The following AMPH variants were observed in gnomAD, a reference collection of about 807,000 sequenced individuals.
AMPH encodes amphiphysin, also known as amphiphysin (Stiff-Mann syndrome with breast cancer 128kD autoantigen).
A neutral mutation model predicts 99.1 loss-of-function variants in AMPH; 49 were observed. The observed-to-expected ratio is 0.49, with a 90% CI of 0.39 to 0.63. The LOEUF is 0.63. Ranked by LOEUF, AMPH falls within the 20% of genes least tolerant of loss-of-function variation. AMPH has a pLI of 0.00. For synonymous variants in AMPH, 314 were observed against 317.3 expected (o/e 0.99, Z 0.11); for missense variants, 759 against 863.4 (o/e 0.88, Z 1.52).
At chr7:38,570,843 A>G (rs1220324944) in intron 1 of AMPH, among the ~76,000 whole-genome samples, 2 of 138,996 alleles carry the variant, frequency 1.4e-5, no homozygotes, top group African/African-American at 2.7e-5. Flanking sequence ...CAAGGCGTGG[A>G]GGTGGAAGAC....
At chr7:38,466,375 T>C in intron 7 of AMPH, 127 bp from the exon 8 acceptor site, 1 of 728,082 alleles carries the variant, frequency 1.4e-6, no homozygotes, top group South Asian at 1.7e-5. Context: ...AACTTTGGAC[T>C]AAATAAAATA....
At chr7:38,495,124 T>C (rs1168770497) in intron 3 of AMPH, among the ~76,000 whole-genome samples, 1 of 152,204 alleles carries the variant, frequency 6.6e-6, no homozygotes, top group Non-Finnish European at 1.5e-5. Context: ...CCTTACTTAA[T>C]GTCATCTATA....
At chr7:38,518,196 T>C (rs1789824308) in intron 2 of AMPH, among the ~76,000 whole-genome samples, 3 of 152,220 alleles carry the variant, frequency 2.0e-5, no homozygotes. Context: ...TGGAAGAACT[T>C]TGAGGAAATG....
At chr7:38,428,760 C>T (rs1002598766) in intron 14 of AMPH, 1 of 457,142 alleles carries the variant, frequency 2.2e-6, no homozygotes, top group Non-Finnish European at 4.4e-6. Flanking sequence ...CTTTTGAATT[C>T]CATCATGTAG....
At chr7:38,448,903 A>G (rs375312840) in intron 11 of AMPH, among the ~76,000 whole-genome samples, 7 of 152,272 alleles carry the variant, frequency 4.6e-5, no homozygotes, top group Admixed American at 3.3e-4. Context: ...GTTTTTTATT[A>G]GAACAAGTTG....
At chr7:38,461,231 C>T in intron 11 of AMPH, 52 bp downstream of exon 11, 2 of 1,607,290 alleles carry the variant, frequency 1.2e-6, no homozygotes. Context: ...CCCTGAGAGT[C>T]CTTCCACCAT....
In AMPH at chr7:38,441,803, T is replaced by TATATATC. The variant is rs1554336888; in HGVS notation, c.1018-5422_1018-5416dup. Among the ~76,000 whole-genome samples, 29 of 64,326 alleles carry TATATATC rather than the reference T, an allele frequency of 4.5e-4. 1 individual carries two copies. The highest frequency in any genetic ancestry group is 6.8e-5 in the African/African-American group (1 of 14,710). The allele number at this position is 64,326 out of a possible 152,430, so 42.2% of individuals were successfully genotyped here. ...TCATATATCTGTCATATATATCATA[T>TATATATC]ATATATCATATATATCATATATCAT... On this transcript the variant is annotated intron_variant, in intron 11 of 20. Transcript: ENST00000356264.
intron 1 of AMPH, among the ~76,000 whole-genome samples, chr7:38,624,443 G>A (rs1794175631): frequency 6.6e-6 from 1 of 151,812 alleles, no homozygotes. Flanking sequence ...CGCCCAGGCT[G>A]CAGTGCAGTG....
chr7:38,502,488 G>A (rs563201484), intron 3 of AMPH, among the ~76,000 whole-genome samples: 112 of 152,256 alleles, frequency 7.4e-4, no homozygotes, highest in African/African-American at 2.6e-3. Flanking sequence ...CCTGAGCCCT[G>A]AGCCTGTCCC....
At chr7:38,545,056 C>T (rs1233831620) in intron 1 of AMPH, among the ~76,000 whole-genome samples, 2 of 152,338 alleles carry the variant, frequency 1.3e-5, no homozygotes, top group East Asian at 3.9e-4. Flanking sequence ...AACTCTCTTT[C>T]TGCAGCTCGG....
intron 11 of AMPH, among the ~76,000 whole-genome samples, chr7:38,441,108 C>T (rs1216108654): frequency 6.6e-6 from 1 of 151,926 alleles, no homozygotes; most frequent in African/African-American, 2.4e-5. Flanking sequence ...AAAAAGAAAG[C>T]TGTAGTAATT....
At chr7:38,574,442 T>C (rs1345841358) in intron 1 of AMPH, among the ~76,000 whole-genome samples, 1 of 152,124 alleles carries the variant, frequency 6.6e-6, no homozygotes, top group East Asian at 1.9e-4. Flanking sequence ...CACTGAAAAT[T>C]AGAATTTCAG....
chr7:38,555,058 T>G (rs1007512052), intron 1 of AMPH, among the ~76,000 whole-genome samples: 2 of 152,152 alleles, frequency 1.3e-5, no homozygotes, highest in Non-Finnish European at 2.9e-5. Flanking sequence ...AGAAACCCTT[T>G]CCTTGAAGTG....
intron 1 of AMPH, among the ~76,000 whole-genome samples, chr7:38,608,602 A>G (rs1793515824): frequency 6.6e-6 from 1 of 152,114 alleles, no homozygotes; most frequent in Admixed American, 6.5e-5. Context: ...TTTGCTGTGT[A>G]TCTCCCCAAT....
intron 1 of AMPH, among the ~76,000 whole-genome samples, chr7:38,585,628 A>G (rs1792616448): frequency 2.0e-5 from 3 of 152,260 alleles, no homozygotes; most frequent in African/African-American, 4.8e-5. Flanking sequence ...TTTACACACC[A>G]CAGAGCCAAA....
intron 12 of AMPH, among the ~76,000 whole-genome samples, chr7:38,433,985 T>C (rs906122286): frequency 1.3e-5 from 2 of 151,834 alleles, no homozygotes; most frequent in African/African-American, 2.4e-5. Flanking sequence ...TCATTTTGAG[T>C]GAAGAGGAAA....
chr7:38,410,035 A>T (rs1159393054), intron 17 of AMPH, among the ~76,000 whole-genome samples: 1 of 152,236 alleles, frequency 6.6e-6, no homozygotes, highest in Non-Finnish European at 1.5e-5. Flanking sequence ...GCCGCCGTGG[A>T]CAGCTTCAAT....
chr7:38,610,344 A>C (rs1584302904), intron 1 of AMPH, among the ~76,000 whole-genome samples: 1 of 42,252 alleles, frequency 2.4e-5, no homozygotes, highest in Admixed American at 2.6e-4. Context: ...AAAAGAAAAG[A>C]AAAGAAAAGA....
intron 1 of AMPH, among the ~76,000 whole-genome samples, chr7:38,603,065 A>G (rs1414490868): frequency 6.6e-6 from 1 of 152,150 alleles, no homozygotes; most frequent in Non-Finnish European, 1.5e-5. Flanking sequence ...CCTCATTGCA[A>G]ATATTGAACC....
Sources: gnomAD v4.1 joint callset for allele counts (sites outside exome capture counted in the v4.1 genomes callset) on GRCh38, gnomAD v4.1.1 for gene constraint, MANE v1.5 for transcripts, NCBI Gene and HGNC (gene_info 2026-07-23, HGNC 2026-07-21) for gene names.